Variants in JAKMIP3 observed in about 807,000 individuals in gnomAD.
JAKMIP3 encodes janus kinase and microtubule-interacting protein 3.
JAKMIP3 carries 58 observed loss-of-function variants against 118.5 expected under a neutral mutation model. The ratio of observed to expected loss-of-function variants is 0.49; its 90% CI spans 0.40 to 0.61. JAKMIP3 has a LOEUF of 0.61. Among genes scored for constraint, JAKMIP3 ranks in the 20% least tolerant of loss-of-function variants. The probability of loss-of-function intolerance (pLI) is 0.00; values close to 1 mark genes in which losing one functional copy is unlikely to be tolerated. For missense variants in JAKMIP3, 950 were observed against 1,109.0 expected (o/e 0.86, Z 2.04); for synonymous variants, 486 against 451.2 (o/e 1.08, Z -0.98).
chr10:132,097,967 TTCCTTTTC>T lies in JAKMIP3; in HGVS notation c.-137-6701_-137-6694del, dbSNP rs1564893104. 1.1e-3 allele frequency among the ~76,000 whole-genome samples: 24 copies of T among 22,606 alleles called. 3 individuals carry two copies. Among genetic ancestry groups the T allele is most frequent in the East Asian group, 3.0e-3 (1 of 328 alleles). 14.8% of individuals were successfully genotyped at this position (22,606 alleles called of 152,430 possible). On this transcript the variant is annotated intron_variant, in intron 1 of 23. Transcript: ENST00000684848. ...CCTTTCCCATCCCCTTTCCCTTTCC[TTCCTTTTC>T]TCCCCTTCCCCTTCCCCTTCCCCTT...
chr10:132,118,948 T>G lies in JAKMIP3; in HGVS notation c.633+1374T>G, dbSNP rs770399449. On this transcript the variant is annotated intron_variant, in intron 3 of 23. Coordinates refer to ENST00000684848, the MANE Select transcript of JAKMIP3 (RefSeq NM_001323087.2). The surrounding 1 kb of genome is among the most constrained non-coding windows in gnomAD (Gnocchi z 4.8). Reference sequence around the variant, plus strand: ...CCTCTGCCCAGTGCCACACGACCCTTTCATTTGTCTTGGTTGGATTCGATG... The same window carrying G: ...CCTCTGCCCAGTGCCACACGACCCTGTCATTTGTCTTGGTTGGATTCGATG... Among the ~76,000 whole-genome samples, 26 of 152,120 alleles carry G rather than the reference T, an allele frequency of 1.7e-4. No individual in the cohort carries two copies. Among genetic ancestry groups the G allele is most frequent in the Non-Finnish European group, 2.5e-4 (17 of 68,016 alleles).
At chr10:132,068,128 T>G (rs2039206928) in intron 1 of JAKMIP3, among the ~76,000 whole-genome samples, 1 of 151,006 alleles carries the variant, frequency 6.6e-6, no homozygotes, top group Non-Finnish European at 1.5e-5. Flanking sequence ...TGGGCTTCCG[T>G]GTGGACTGGA....
At chr10:132,172,428 G>C (rs1272465170) in intron 23 of JAKMIP3, among the ~76,000 whole-genome samples, 1 of 151,998 alleles carries the variant, frequency 6.6e-6, no homozygotes, top group Non-Finnish European at 1.5e-5. Flanking sequence ...AAAACACCAC[G>C]TTTCTCTGTG....
At chr10:132,154,476 G>A (rs994399078) in intron 19 of JAKMIP3, among the ~76,000 whole-genome samples, 8 of 152,250 alleles carry the variant, frequency 5.3e-5, no homozygotes, top group African/African-American at 1.9e-4. Context: ...CTAGGCTTCA[G>A]AACTGGGTTC....
intron 19 of JAKMIP3, among the ~76,000 whole-genome samples, chr10:132,155,129 GATGGTGGTGAT>G (rs1435579072): frequency 1.4e-5 from 2 of 146,402 alleles, no homozygotes; most frequent in Non-Finnish European, 3.0e-5. Context: ...TGATGATGGT[GATGGTGGTGAT>G]ATGGTGGTGA....
At chr10:132,148,115 C>A in intron 14 of JAKMIP3, 65 bp downstream of exon 14, 1 of 976,370 alleles carries the variant, frequency 1.0e-6, no homozygotes, top group Non-Finnish European at 1.6e-6. Flanking sequence ...CTCAGCCTTC[C>A]TAACCCACAC....
rs902446441 is a variant in JAKMIP3 at position 132,118,704 on chromosome 10, C to T, written c.633+1130C>T. Reference sequence around the variant, plus strand: ...AAACGTGCCTAACCCGGGTGATTCCCTTCCTTTCCAAAGTGGTCCCTGTTC... The same window carrying T: ...AAACGTGCCTAACCCGGGTGATTCCTTTCCTTTCCAAAGTGGTCCCTGTTC... On this transcript the variant is annotated intron_variant, in intron 3 of 23. Transcript: ENST00000684848. The surrounding 1 kb of genome is among the most constrained non-coding windows in gnomAD (Gnocchi z 4.8). Among the ~76,000 whole-genome samples, 1 of 152,248 alleles carries T rather than the reference C, an allele frequency of 6.6e-6. No homozygotes were observed. Among genetic ancestry groups the T allele is most frequent in the Admixed American group, 6.5e-5 (1 of 15,294 alleles).
chr10:132,133,223 C>G, intron 3 of JAKMIP3, 89 bp from the exon 4 acceptor site: 2 of 1,168,770 alleles, frequency 1.7e-6, no homozygotes, highest in Non-Finnish European at 1.2e-6. Context: ...GTCTCAGAGC[C>G]CAGAGCCTGG....
intron 1 of JAKMIP3, among the ~76,000 whole-genome samples, chr10:132,081,944 T>C (rs559823295): frequency 6.6e-6 from 1 of 152,044 alleles, no homozygotes; most frequent in Non-Finnish European, 1.5e-5. Context: ...AGGGATTTTA[T>C]TTATGCTGAC....
intron 23 of JAKMIP3, among the ~76,000 whole-genome samples, chr10:132,175,325 T>C (rs1352298208): frequency 6.6e-6 from 1 of 152,220 alleles, no homozygotes; most frequent in Non-Finnish European, 1.5e-5. Flanking sequence ...TGCATGTGAA[T>C]GTCCACCCAA....
intron 23 of JAKMIP3, among the ~76,000 whole-genome samples, chr10:132,181,032 C>T (rs2061394516): frequency 6.6e-6 from 1 of 151,742 alleles, no homozygotes; most frequent in Non-Finnish European, 1.5e-5. Context: ...GTGCTGTTTG[C>T]ACATGTGCAG....
intron 3 of JAKMIP3, among the ~76,000 whole-genome samples, chr10:132,119,924 G>T (rs1333537213): frequency 6.6e-6 from 1 of 152,174 alleles, no homozygotes; most frequent in Non-Finnish European, 1.5e-5. Context: ...CACGTTTCCT[G>T]CCTGACAAAA....
intron 19 of JAKMIP3, among the ~76,000 whole-genome samples, 166 bp downstream of exon 19, chr10:132,154,156 C>T (rs190826316): frequency 1.3e-5 from 2 of 152,342 alleles, no homozygotes; most frequent in Non-Finnish European, 2.9e-5. Context: ...TCCAGAGCTG[C>T]CTGATGGGGT....
chr10:132,110,336 A>G (rs1564909864), intron 2 of JAKMIP3, among the ~76,000 whole-genome samples: 1 of 152,238 alleles, frequency 6.6e-6, no homozygotes, highest in Non-Finnish European at 1.5e-5. Flanking sequence ...GCAGGGTCTC[A>G]GCCTTTGCAG....
At chr10:132,087,475 C>T (rs546406806) in intron 1 of JAKMIP3, among the ~76,000 whole-genome samples, 55 of 152,152 alleles carry the variant, frequency 3.6e-4, no homozygotes, top group African/African-American at 1.3e-3. Context: ...TTAGATTTCT[C>T]TTCTTCAAAA....
intron 23 of JAKMIP3, among the ~76,000 whole-genome samples, chr10:132,169,408 G>A (rs144350687): frequency 2.6e-4 from 40 of 152,314 alleles, no homozygotes; most frequent in African/African-American, 8.2e-4. Context: ...GAACGTGGAC[G>A]CCGCCCCACA....
At chr10:132,105,466 T>A (rs2045756112) in intron 2 of JAKMIP3, among the ~76,000 whole-genome samples, 1 of 148,130 alleles carries the variant, frequency 6.8e-6, no homozygotes, top group Non-Finnish European at 1.5e-5. Flanking sequence ...GGCCTCTGGC[T>A]GGATGCCCAG....
chr10:132,168,140 A>T lies in JAKMIP3; in HGVS notation c.*210A>T, dbSNP rs919949055. ...TCCACGTGGGATGTGCCAGAACTAGAACTGGCTCTGCCGACTTCTCGGGGG... is the reference window on the plus strand; with the variant it reads ...TCCACGTGGGATGTGCCAGAACTAGTACTGGCTCTGCCGACTTCTCGGGGG... On this transcript the variant is annotated 3_prime_UTR_variant, in exon 23 of 24. Transcript: ENST00000684848. 51 of 1,286,392 alleles carry T rather than the reference A, an allele frequency of 4.0e-5. No individual in the cohort carries two copies. The highest frequency in any genetic ancestry group is 5.0e-5 in the Non-Finnish European group (49 of 987,190). The allele number at this position is 1,286,392 out of a possible 1,614,324, so 79.7% of individuals were successfully genotyped here. A position where few individuals can be genotyped will look rare whatever the true frequency, so the allele number is the denominator to read the frequency against.
chr10:132,114,189 G>A (rs1203290668), intron 2 of JAKMIP3, among the ~76,000 whole-genome samples: 4 of 152,238 alleles, frequency 2.6e-5, no homozygotes, highest in African/African-American at 9.6e-5. Context: ...ACAAGGAATG[G>A]TTGTTGCTTC....
Sources: gnomAD v4.1 joint callset for allele counts (sites outside exome capture counted in the v4.1 genomes callset) on GRCh38, gnomAD v4.1.1 for gene constraint, Gnocchi (gnomAD v3.1) non-coding constraint, MANE v1.5 for transcripts, NCBI Gene and HGNC (gene_info 2026-07-23, HGNC 2026-07-21) for gene names.